Variants in C7orf78 observed in about 807,000 individuals in gnomAD.
C7orf78 encodes putative uncharacterized protein C7orf78.
the C7orf78 span, among the ~76,000 whole-genome samples, chr7:12,519,546 G>T: frequency 6.6e-6 from 1 of 152,178 alleles, no homozygotes; most frequent in Non-Finnish European, 1.5e-5. Flanking sequence ...CACATGTAGA[G>T]GGAAAGATCC....
chr7:12,531,146 T>C, the C7orf78 span: 1 of 398,048 alleles, frequency 2.5e-6, no homozygotes. Context: ...CTCTTTAACA[T>C]TACTACTCAA....
the C7orf78 span, among the ~76,000 whole-genome samples, chr7:12,505,017 T>C: frequency 6.6e-6 from 1 of 152,094 alleles, no homozygotes; most frequent in Non-Finnish European, 1.5e-5. Context: ...TAAAGAAATG[T>C]ATTCCTTTTT....
At chr7:12,505,387 AGGAG>A in the C7orf78 span, among the ~76,000 whole-genome samples, 4 of 152,156 alleles carry the variant, frequency 2.6e-5, no homozygotes, top group Admixed American at 1.3e-4. Context: ...TAATCTAATT[AGGAG>A]TTGACATAAA....
the C7orf78 span, among the ~76,000 whole-genome samples, chr7:12,502,746 G>A: frequency 2.3e-4 from 35 of 150,060 alleles, no homozygotes; most frequent in African/African-American, 7.9e-4. Flanking sequence ...TATACCCAAA[G>A]GACTATAAAT....
the C7orf78 span, among the ~76,000 whole-genome samples, chr7:12,510,088 G>A: frequency 2.0e-5 from 3 of 151,586 alleles, no homozygotes. Context: ...ATGGTTGACG[G>A]GTATTCTATT....
At chr7:12,504,919 T>G in the C7orf78 span, among the ~76,000 whole-genome samples, 1 of 151,908 alleles carries the variant, frequency 6.6e-6, no homozygotes, top group Non-Finnish European at 1.5e-5. Flanking sequence ...ATCTATTTTT[T>G]TACCTATCTA....
At chr7:12,496,260 T>A in the C7orf78 span, among the ~76,000 whole-genome samples, 1 of 152,202 alleles carries the variant, frequency 6.6e-6, no homozygotes, top group Non-Finnish European at 1.5e-5. Context: ...AATTTCTAAT[T>A]TGGAAATTCA....
chr7:12,514,379 CT>C, the C7orf78 span, among the ~76,000 whole-genome samples: 55 of 150,528 alleles, frequency 3.7e-4, no homozygotes, highest in East Asian at 1.8e-3. Context: ...CTCTTCTTTG[CT>C]TTTTTTTTAA....
At chr7:12,541,775 T>C in the C7orf78 span, 1 of 152,186 alleles carries the variant, frequency 6.6e-6, no homozygotes. Context: ...TTATGGCATA[T>C]TGAAATCAAT....
the C7orf78 span, among the ~76,000 whole-genome samples, chr7:12,497,467 C>G: frequency 6.4e-5 from 4 of 62,536 alleles, no homozygotes; most frequent in Admixed American, 2.1e-4. Context: ...GGGTGACGGA[C>G]GGCACCTGGA....
At chr7:12,516,459 G>A in the C7orf78 span, among the ~76,000 whole-genome samples, 1 of 152,248 alleles carries the variant, frequency 6.6e-6, no homozygotes, top group Non-Finnish European at 1.5e-5. Context: ...GAAGGGTAAT[G>A]TGCTGTGGGA....
the C7orf78 span, among the ~76,000 whole-genome samples, chr7:12,513,407 G>T: frequency 6.6e-6 from 1 of 151,940 alleles, no homozygotes; most frequent in South Asian, 2.1e-4. Context: ...TTCCAGTCAA[G>T]TACTTCTTTT....
the C7orf78 span, among the ~76,000 whole-genome samples, chr7:12,522,198 C>T: frequency 1.3e-5 from 2 of 152,062 alleles, no homozygotes; most frequent in African/African-American, 4.8e-5. Flanking sequence ...ATCCTCACCT[C>T]AGGTCCTTAT....
At chr7:12,529,594 C>T in the C7orf78 span, among the ~76,000 whole-genome samples, 2 of 152,148 alleles carry the variant, frequency 1.3e-5, no homozygotes, top group Admixed American at 6.5e-5. Flanking sequence ...TGGTTTTATA[C>T]ATTTTAGGGA....
At chr7:12,537,400 C>T in the C7orf78 span, among the ~76,000 whole-genome samples, 2 of 152,162 alleles carry the variant, frequency 1.3e-5, no homozygotes, top group Non-Finnish European at 1.5e-5. Context: ...TGGGATTCTC[C>T]CATGGCACAT....
chr7:12,508,314 T>G, the C7orf78 span, among the ~76,000 whole-genome samples: 1 of 152,198 alleles, frequency 6.6e-6, no homozygotes, highest in East Asian at 1.9e-4. Context: ...CTAAATATGC[T>G]TATTTTTGAG....
chr7:12,506,913 A>G, the C7orf78 span: 1 of 483,670 alleles, frequency 2.1e-6, no homozygotes, highest in East Asian at 6.1e-5. Flanking sequence ...TGGTTGGTGA[A>G]GGAGATTCCA....
At chr7:12,519,552 G>T in the C7orf78 span, among the ~76,000 whole-genome samples, 1 of 152,194 alleles carries the variant, frequency 6.6e-6, no homozygotes, top group African/African-American at 2.4e-5. Flanking sequence ...TAGAGGGAAA[G>T]ATCCCACTCT....
chr7:12,494,199 G>A, the C7orf78 span, among the ~76,000 whole-genome samples: 6 of 152,274 alleles, frequency 3.9e-5, no homozygotes, highest in South Asian at 1.2e-3. Context: ...AGTGAGGAGA[G>A]AAGGCAATAT....
Sources: allele counts gnomAD v4.1 joint callset (sites outside exome capture counted in the v4.1 genomes callset), GRCh38; gene constraint gnomAD v4.1.1; transcripts MANE v1.5; gene names NCBI Gene and HGNC (gene_info 2026-07-23, HGNC 2026-07-21).